The following PDGFD variants were observed in gnomAD, a reference collection of about 807,000 sequenced individuals.
The protein encoded by PDGFD is platelet derived growth factor D.
In PDGFD, 30 loss-of-function variants were observed where a neutral mutation model predicts 44.7. The observed-to-expected ratio is 0.67, with a 90% CI of 0.50 to 0.91. The LOEUF (loss-of-function observed/expected upper bound fraction) is 0.91. Among genes scored for constraint, PDGFD ranks in the 40% least tolerant of loss-of-function variants. PDGFD has a pLI of 0.00. For missense variants in PDGFD, 445 were observed against 457.8 expected (o/e 0.97, Z 0.25); for synonymous variants, 173 against 168.4 (o/e 1.03, Z -0.21).
rs534565571 is a variant in PDGFD, at chr11:103,957,181, T to C, written c.511-9457A>G. ...TGCCTAGGTTTTCTTCTAGGGTTTT[T>C]ATGGTTTTAGGTCTAACGTTTAAGT... On this transcript the variant is annotated intron_variant, in intron 3 of 6. Transcript: ENST00000393158. Among the ~76,000 whole-genome samples the C allele has an allele frequency of 2.6e-5, 4 of 152,312 alleles. No individual in the cohort carries two copies. In the South Asian group the frequency reaches 8.3e-4, roughly 32 times the overall value.
At chr11:103,919,147 G>A (rs1403979144) in intron 6 of PDGFD, among the ~76,000 whole-genome samples, 2 of 152,176 alleles carry the variant, frequency 1.3e-5, no homozygotes, top group Non-Finnish European at 2.9e-5. Flanking sequence ...GAAACTTGAC[G>A]TCTACTAAAT....
chr11:104,037,161 A>ACAG (rs1555046199), intron 1 of PDGFD: 2 of 1,613,706 alleles, frequency 1.2e-6, no homozygotes, highest in East Asian at 2.2e-5. Context: ...AGCACCCTGG[A>ACAG]CAGCAGCAGC....
rs529294921 is a variant in PDGFD, at chr11:103,992,075, A to G, written c.510+3990T>C. On this transcript the variant is annotated intron_variant, in intron 3 of 6. Transcript: ENST00000393158. Reference sequence around the variant, plus strand: ...GCAGGAGATCCTAATTTATTTAGATAATCATATCTCGCTACCAAATATTTG... The same window carrying G: ...GCAGGAGATCCTAATTTATTTAGATGATCATATCTCGCTACCAAATATTTG... Among the ~76,000 whole-genome samples the G allele has an allele frequency of 1.1e-4, 16 of 152,342 alleles. No homozygotes were observed. In the South Asian group the frequency reaches 2.3e-3, roughly 22 times the overall value.
chr11:103,923,068 T>C (rs1168952175), intron 6 of PDGFD, among the ~76,000 whole-genome samples: 1 of 152,242 alleles, frequency 6.6e-6, no homozygotes, highest in East Asian at 1.9e-4. Flanking sequence ...GGGTCTTCCT[T>C]ACCAAGGCCT....
chr11:103,922,198 T>C (rs1858235609), intron 6 of PDGFD, among the ~76,000 whole-genome samples: 1 of 152,232 alleles, frequency 6.6e-6, no homozygotes, highest in South Asian at 2.1e-4. Flanking sequence ...ACTATACTTT[T>C]AGGAAATATC....
intron 1 of PDGFD, among the ~76,000 whole-genome samples, chr11:104,012,076 A>T (rs1859793887): frequency 6.6e-6 from 1 of 152,182 alleles, no homozygotes; most frequent in South Asian, 2.1e-4. Context: ...CATTATGATG[A>T]TGATAAATAG....
intron 1 of PDGFD, among the ~76,000 whole-genome samples, chr11:104,112,900 G>A (rs1339460897): frequency 6.6e-6 from 1 of 152,040 alleles, no homozygotes; most frequent in Non-Finnish European, 1.5e-5. Context: ...TGGGAGAAGG[G>A]AGAAGATCAG....
Position 104,139,849 on chromosome 11 carries a change from A to T in PDGFD, c.124+23955T>A, listed in dbSNP as rs1265030278. Among the ~76,000 whole-genome samples, 2 of 22,652 alleles carry T rather than the reference A, an allele frequency of 8.8e-5. 1 individual carries two copies. Among genetic ancestry groups the T allele is most frequent in the Non-Finnish European group, 1.5e-4 (2 of 12,928 alleles). The allele number at this position is 22,652 out of a possible 152,430, so 14.9% of individuals were successfully genotyped here. A position where few individuals can be genotyped will look rare whatever the true frequency, so the allele number is the denominator to read the frequency against. ...TCAGGAGATCGAGACCATCCTGGCTAACAAGGTGAAACCCCGTCTCTACTA... is the reference window on the plus strand; with the variant it reads ...TCAGGAGATCGAGACCATCCTGGCTTACAAGGTGAAACCCCGTCTCTACTA... On this transcript the variant is annotated intron_variant, in intron 1 of 6. Coordinates refer to ENST00000393158, the MANE Select transcript of PDGFD (RefSeq NM_025208.5).
At chr11:104,073,163 A>C (rs1023193627) in intron 1 of PDGFD, among the ~76,000 whole-genome samples, 1 of 152,110 alleles carries the variant, frequency 6.6e-6, no homozygotes, top group Non-Finnish European at 1.5e-5. Context: ...GCATAAAAAA[A>C]GATTCAACTA....
intron 1 of PDGFD, 150 bp downstream of exon 1, chr11:104,163,654 G>T: frequency 2.2e-6 from 2 of 921,340 alleles, no homozygotes; most frequent in Non-Finnish European, 3.1e-6. Context: ...CTCAGGACTG[G>T]ATACAGGCAG....
chr11:104,041,866 C>T (rs1256676989), intron 1 of PDGFD, among the ~76,000 whole-genome samples: 1 of 152,208 alleles, frequency 6.6e-6, no homozygotes, highest in Non-Finnish European at 1.5e-5. Flanking sequence ...TTCATCTTCA[C>T]TGCAGGTATT....
chr11:104,114,026 C>A (rs1342942702), intron 1 of PDGFD, among the ~76,000 whole-genome samples: 2 of 151,958 alleles, frequency 1.3e-5, no homozygotes, highest in African/African-American at 4.8e-5. Context: ...TTACAAATAT[C>A]TTCTCCCAGT....
At chr11:104,076,975 C>T (rs1382817897) in intron 1 of PDGFD, among the ~76,000 whole-genome samples, 1 of 152,128 alleles carries the variant, frequency 6.6e-6, no homozygotes, top group Middle Eastern at 3.2e-3. Flanking sequence ...ATACAATATA[C>T]AATACATATA....
chr11:104,046,982 C>G (rs1363721991), intron 1 of PDGFD, among the ~76,000 whole-genome samples: 1 of 146,568 alleles, frequency 6.8e-6, no homozygotes, highest in Admixed American at 6.9e-5. Flanking sequence ...TGAGTGAGAA[C>G]ATGAGGTGCT....
intron 1 of PDGFD, among the ~76,000 whole-genome samples, chr11:104,159,010 C>T (rs372691884): frequency 2.0e-5 from 3 of 150,034 alleles, no homozygotes; most frequent in Non-Finnish European, 3.0e-5. Context: ...AAAATTAGCC[C>T]GAGGCGGTGG....
At chr11:104,099,940 T>C (rs2134444038) in intron 1 of PDGFD, among the ~76,000 whole-genome samples, 1 of 152,234 alleles carries the variant, frequency 6.6e-6, no homozygotes, top group Non-Finnish European at 1.5e-5. Flanking sequence ...AATGGGTATA[T>C]TTTGAATACC....
At chr11:104,096,729 G>T (rs1327088740) in intron 1 of PDGFD, among the ~76,000 whole-genome samples, 1 of 152,106 alleles carries the variant, frequency 6.6e-6, no homozygotes, top group Non-Finnish European at 1.5e-5. Flanking sequence ...ACAAATCAGG[G>T]TATTATTTGT....
intron 1 of PDGFD, among the ~76,000 whole-genome samples, chr11:104,114,583 A>C (rs538458499): frequency 1.3e-5 from 2 of 151,982 alleles, no homozygotes; most frequent in East Asian, 3.9e-4. Flanking sequence ...CTTCACGGTC[A>C]TTTATCTCTC....
Position 104,017,910 on chromosome 11 carries a change from T to C in PDGFD, c.125-17655A>G, listed in dbSNP as rs529202964. Among the ~76,000 whole-genome samples, 164 of 152,290 alleles carry C rather than the reference T, an allele frequency of 1.1e-3. 1 individual carries two copies. Among genetic ancestry groups the C allele is most frequent in the Non-Finnish European group, 1.9e-3 (127 of 68,026 alleles). ...GTTTTGTAAAGTACCATAACTGCCA[T>C]TTATATCTCCAGAAAGATTTGAAAA... On this transcript the variant is annotated intron_variant, in intron 1 of 6. Transcript: ENST00000393158.
Sources: allele counts gnomAD v4.1 joint callset (sites outside exome capture counted in the v4.1 genomes callset), GRCh38; gene constraint gnomAD v4.1.1; transcripts MANE v1.5; gene names NCBI Gene and HGNC (gene_info 2026-07-23, HGNC 2026-07-21).